The following ZNF143 variants were observed in gnomAD, a reference collection of about 807,000 sequenced individuals.
ZNF143 encodes the protein zinc finger protein 143.
In ZNF143, 49 loss-of-function variants were observed where a neutral mutation model predicts 74.1. That is an observed-to-expected ratio of 0.66 (90% CI 0.53 to 0.84). The LOEUF is 0.84. ZNF143 is among the 40% of genes least tolerant of loss of function. The probability of loss-of-function intolerance (pLI) is 0.00; values close to 1 mark genes in which losing one functional copy is unlikely to be tolerated. For synonymous variants in ZNF143, 304 were observed against 282.8 expected (o/e 1.07, Z -0.75); for missense variants, 637 against 793.4 (o/e 0.80, Z 2.37).
In ZNF143 at chr11:9,507,040, C is replaced by T. The variant is rs1332468363; in HGVS notation, c.1148-1579C>T. ...CTCACCACATCTCAGCAACTATCCA[C>T]CAAAATAAGAACATTAACCTGCCTG... is the stretch of plus-strand genomic sequence containing the variant. On this transcript the variant is annotated intron_variant, in intron 11 of 15. Coordinates refer to ENST00000396602, the MANE Select transcript of ZNF143 (RefSeq NM_003442.6). 2.0e-5 allele frequency among the ~76,000 whole-genome samples: 3 copies of T among 152,144 alleles called. No homozygotes were observed. The East Asian group carries it at 5.8e-4, about 29-fold the overall frequency.
At chr11:9,469,067 G>A (rs1856413201) in intron 1 of ZNF143, among the ~76,000 whole-genome samples, 1 of 151,616 alleles carries the variant, frequency 6.6e-6, no homozygotes, top group Non-Finnish European at 1.5e-5. Flanking sequence ...CTGGGAGGTG[G>A]AGGTTGCAGT....
At chr11:9,473,787 T>G in intron 3 of ZNF143, 154 bp from the exon 4 acceptor site, 1 of 1,550,590 alleles carries the variant, frequency 6.4e-7, no homozygotes. Flanking sequence ...GATCACTGGA[T>G]GTGTTATTGA....
At chr11:9,479,295 A>G (rs910166624) in intron 6 of ZNF143, among the ~76,000 whole-genome samples, 177 bp from the exon 7 acceptor site, 1 of 152,126 alleles carries the variant, frequency 6.6e-6, no homozygotes, top group South Asian at 2.1e-4. Flanking sequence ...ATGAGCCACC[A>G]TGCCCAGCCT....
At chr11:9,507,323 G>T (rs897494229) in intron 11 of ZNF143, among the ~76,000 whole-genome samples, 2 of 152,094 alleles carry the variant, frequency 1.3e-5, no homozygotes, top group Non-Finnish European at 2.9e-5. Context: ...TTTCACCACA[G>T]GGTTCTTTTT....
At chr11:9,466,922 C>G (rs1369933485) in intron 1 of ZNF143, among the ~76,000 whole-genome samples, 1 of 151,098 alleles carries the variant, frequency 6.6e-6, no homozygotes, top group African/African-American at 2.4e-5. Flanking sequence ...GACACAGAGT[C>G]TCTCTGTGTC....
chr11:9,478,286 CA>C (rs1409004195), intron 5 of ZNF143, 103 bp from the exon 6 acceptor site: 3 of 1,191,554 alleles, frequency 2.5e-6, no homozygotes, highest in Non-Finnish European at 3.6e-6. Flanking sequence ...GTCCAGTACT[CA>C]GAGTAACTAC....
chr11:9,474,737 G>C (rs867853665), intron 5 of ZNF143, 104 bp downstream of exon 5: 1 of 1,174,260 alleles, frequency 8.5e-7, no homozygotes, highest in Middle Eastern at 2.0e-4. Flanking sequence ...GGAAAGAATT[G>C]TATTTATTCA....
chr11:9,493,128 G>T (rs1847840920), intron 7 of ZNF143, among the ~76,000 whole-genome samples: 1 of 148,630 alleles, frequency 6.7e-6, no homozygotes, highest in African/African-American at 2.5e-5. Flanking sequence ...GGAGTGCCGT[G>T]GCATGATCTC....
At chr11:9,473,884 T>C in intron 3 of ZNF143, 57 bp from the exon 4 acceptor site, 2 of 1,612,940 alleles carry the variant, frequency 1.2e-6, no homozygotes, top group Non-Finnish European at 1.7e-6. Context: ...TTTGAAATTG[T>C]ATAAAGTTTA....
chr11:9,482,935 T>G (rs56320702), intron 7 of ZNF143, among the ~76,000 whole-genome samples: 7,694 of 151,554 alleles, frequency 0.051, 301 homozygotes, highest in South Asian at 0.076. Flanking sequence ...TAATTTCACC[T>G]GTTTCTTTTA....
chr11:9,480,948 A>G lies in ZNF143; in HGVS notation c.645+1402A>G, dbSNP rs185810541. Reference sequence around the variant, plus strand: ...GCTTCTACGCGTTGCTGAATAGCCAATATTTCTGTTTACCAGCTGAAGTGA... The same window carrying G: ...GCTTCTACGCGTTGCTGAATAGCCAGTATTTCTGTTTACCAGCTGAAGTGA... On this transcript the variant is annotated intron_variant, in intron 7 of 15. Transcript: ENST00000396602. Among the ~76,000 whole-genome samples, 429 of 152,304 alleles carry G rather than the reference A, an allele frequency of 2.8e-3. 7 individuals carry two copies. The South Asian group carries it at 0.04, about 14-fold the overall frequency.
Position 9,476,288 on chromosome 11 carries a change from G to A in ZNF143, c.373+1655G>A, listed in dbSNP as rs535983640. The stretch of plus-strand genomic sequence containing the variant: ...AGGACAGAATGCACAAACATGTAAA[G>A]CACTTAGAACCGTGCTTGTCTCATA... On this transcript the variant is annotated intron_variant, in intron 5 of 15. Transcript: ENST00000396602. 1.2e-4 allele frequency among the ~76,000 whole-genome samples: 18 copies of A among 152,170 alleles called. No homozygotes were observed. In the South Asian group the frequency reaches 3.3e-3, roughly 28 times the overall value.
rs183695319 is a variant in ZNF143 at position 9,522,961 on chromosome 11, G to A, written c.1687-2279G>A. Among the ~76,000 whole-genome samples the A allele has an allele frequency of 1.5e-3, 223 of 151,424 alleles. 2 individuals carry two copies. The highest frequency in any genetic ancestry group is 5.1e-3 in the African/African-American group (209 of 41,214). ...TATTTTTTTTTTTAGTAGAGGTGGGGTTTCACCATGTTGGCCAGGCTGATC... is the reference window on the plus strand; with the variant it reads ...TATTTTTTTTTTTAGTAGAGGTGGGATTTCACCATGTTGGCCAGGCTGATC... On this transcript the variant is annotated intron_variant, in intron 14 of 15. Transcript: ENST00000396602.
At chr11:9,471,837 C>G (rs1352060795) in intron 2 of ZNF143, among the ~76,000 whole-genome samples, 2 of 151,996 alleles carry the variant, frequency 1.3e-5, no homozygotes, top group Non-Finnish European at 2.9e-5. Context: ...CAGGCATGAG[C>G]CATTGCGCCC....
intron 14 of ZNF143, 169 bp from the exon 15 acceptor site, chr11:9,525,071 C>T (rs746238199): frequency 6.3e-5 from 47 of 742,532 alleles, no homozygotes; most frequent in Non-Finnish European, 9.8e-5. Flanking sequence ...AGATAATGAG[C>T]CTCAACTTCC....
chr11:9,492,946 G>T (rs1847833740), intron 7 of ZNF143, among the ~76,000 whole-genome samples: 1 of 152,142 alleles, frequency 6.6e-6, no homozygotes, highest in African/African-American at 2.4e-5. Context: ...ATGACAACAG[G>T]CCTCATGGAA....
rs186843810 is a variant in ZNF143, at chr11:9,471,203, T to G, written c.-7-99T>G. The G allele has an allele frequency of 9.5e-5, 94 of 988,752 alleles. No individual in the cohort carries two copies. In the East Asian group the frequency reaches 2.1e-3, roughly 23 times the overall value. The allele number at this position is 988,752 out of a possible 1,614,324, so 61.2% of individuals were successfully genotyped here. On this transcript the variant is annotated intron_variant, in intron 1 of 15. Coordinates refer to ENST00000396602, the MANE Select transcript of ZNF143 (RefSeq NM_003442.6). ...AATTTCATCTTATTTCCAACACCAT[T>G]ACATCCTCAGCAGCTTTTTGTGGTT...
At chr11:9,517,708 T>A (rs1277196300) in intron 14 of ZNF143, among the ~76,000 whole-genome samples, 2 of 152,214 alleles carry the variant, frequency 1.3e-5, no homozygotes, top group Non-Finnish European at 2.9e-5. Context: ...TAAAGGCCAA[T>A]GTTGAGTCTC....
chr11:9,512,421 A>G (rs1290906161), intron 12 of ZNF143, 27 bp from the exon 13 acceptor site: 1 of 1,597,296 alleles, frequency 6.3e-7, no homozygotes, highest in South Asian at 1.1e-5. Context: ...TGGTTGGTCA[A>G]ATAAATGATT....
Sources: gnomAD v4.1 joint callset for allele counts (sites outside exome capture counted in the v4.1 genomes callset) on GRCh38, gnomAD v4.1.1 for gene constraint, MANE v1.5 for transcripts, NCBI Gene and HGNC (gene_info 2026-07-23, HGNC 2026-07-21) for gene names.